The following PTPRR variants were observed in gnomAD, a reference collection of about 807,000 sequenced individuals.
PTPRR encodes the protein receptor-type tyrosine-protein phosphatase R.
A neutral mutation model predicts 77.2 loss-of-function variants in PTPRR; 38 were observed. The ratio of observed to expected loss-of-function variants is 0.49; its 90% CI spans 0.38 to 0.65. PTPRR has a LOEUF of 0.65. Ranked by LOEUF, PTPRR falls within the 30% of genes least tolerant of loss-of-function variation. The pLI is 0.00. For synonymous variants in PTPRR, 299 were observed against 283.1 expected, an observed-to-expected ratio of 1.06 and a Z score of -0.57; for missense variants, 744 against 799.2, an observed-to-expected ratio of 0.93 and a Z score of 0.83.
chr12:70,657,897 A>G (rs1022197574), intron 12 of PTPRR, among the ~76,000 whole-genome samples: 3 of 151,962 alleles, frequency 2.0e-5, no homozygotes, highest in African/African-American at 7.3e-5. Flanking sequence ...TCCTTTTTTC[A>G]TGATTAGCAG....
chr12:70,665,788 GA>G lies in PTPRR; in HGVS notation c.1498-3184del, dbSNP rs964072728. On this transcript the variant is annotated intron_variant, in intron 10 of 13. Coordinates refer to ENST00000283228, the MANE Select transcript of PTPRR (RefSeq NM_002849.4). The stretch of plus-strand genomic sequence containing the variant: ...GGTCTAGCTAGTTGTTTAGTTGCCT[GA>G]AAAAAAAAAACCTATTTTTAAGTTA... Among the ~76,000 whole-genome samples the G allele has an allele frequency of 4.1e-3, 589 of 143,152 alleles. 3 individuals are homozygous for G. The highest frequency in any genetic ancestry group is 0.013 in the African/African-American group (493 of 39,276). 93.9% of individuals were successfully genotyped at this position (143,152 alleles called of 152,430 possible).
intron 2 of PTPRR, among the ~76,000 whole-genome samples, chr12:70,889,985 GC>G (rs1484107784): frequency 6.6e-6 from 1 of 152,120 alleles, no homozygotes; most frequent in East Asian, 1.9e-4. Flanking sequence ...AGCAGCCTAT[GC>G]TGAACTGAAA....
At chr12:70,891,537 A>T (rs1893335582) in intron 2 of PTPRR, among the ~76,000 whole-genome samples, 2 of 152,142 alleles carry the variant, frequency 1.3e-5, no homozygotes, top group South Asian at 4.1e-4. Context: ...TTTTCTCTTA[A>T]CAAGAGTTCA....
Position 70,798,897 on chromosome 12 carries a change from C to T in PTPRR, c.358-34119G>A, listed in dbSNP as rs910964011. On this transcript the variant is annotated intron_variant, in intron 2 of 13. Transcript: ENST00000283228. ...AGTAAGCCACTTTGCCTTGTTTAAC[C>T]CAGTACCTATCCTAGTCCCTGGTAC... is the stretch of plus-strand genomic sequence containing the variant. 2.0e-5 allele frequency among the ~76,000 whole-genome samples: 3 copies of T among 152,150 alleles called. No homozygotes were observed. The South Asian group carries it at 6.2e-4, about 32-fold the overall frequency.
intron 2 of PTPRR, among the ~76,000 whole-genome samples, chr12:70,867,361 T>C (rs890737285): frequency 6.6e-6 from 1 of 151,518 alleles, no homozygotes; most frequent in African/African-American, 2.4e-5. Flanking sequence ...ACAAAATCAA[T>C]GTACAAAAAT....
intron 10 of PTPRR, among the ~76,000 whole-genome samples, chr12:70,678,514 G>A (rs1887534505): frequency 6.6e-6 from 1 of 151,810 alleles, no homozygotes. Flanking sequence ...ATAATTCTTT[G>A]CATTTCTGTG....
intron 10 of PTPRR, among the ~76,000 whole-genome samples, chr12:70,664,111 C>T (rs1374223864): frequency 6.6e-6 from 1 of 152,200 alleles, no homozygotes; most frequent in South Asian, 2.1e-4. Flanking sequence ...TTTACATCCT[C>T]TACATTTTGA....
intron 2 of PTPRR, among the ~76,000 whole-genome samples, chr12:70,798,253 A>G (rs1484842947): frequency 6.6e-6 from 1 of 152,190 alleles, no homozygotes; most frequent in Non-Finnish European, 1.5e-5. Flanking sequence ...GCTTCCAAAT[A>G]TACAATAAAA....
intron 2 of PTPRR, among the ~76,000 whole-genome samples, chr12:70,784,226 G>T (rs1891272027): frequency 6.6e-6 from 1 of 152,212 alleles, no homozygotes; most frequent in Non-Finnish European, 1.5e-5. Context: ...GGGGTACCCA[G>T]GTTGCAGTGG....
intron 2 of PTPRR, among the ~76,000 whole-genome samples, chr12:70,805,508 C>T (rs976500903): frequency 1.3e-5 from 2 of 152,028 alleles, no homozygotes; most frequent in African/African-American, 4.8e-5. Context: ...TGGGCACCCC[C>T]ATGGTGGGTT....
At chr12:70,734,451 T>C (rs530447217) in intron 6 of PTPRR, among the ~76,000 whole-genome samples, 1 of 152,244 alleles carries the variant, frequency 6.6e-6, no homozygotes, top group East Asian at 1.9e-4. Flanking sequence ...GAGTACCCTG[T>C]AAAGCTGGAA....
chr12:70,764,152 T>A (rs924654600), intron 3 of PTPRR, among the ~76,000 whole-genome samples: 4 of 152,132 alleles, frequency 2.6e-5, no homozygotes, highest in African/African-American at 7.2e-5. Flanking sequence ...ATGCCCTGCC[T>A]TGTGCACTCA....
At chr12:70,753,876 C>G (rs1303765794) in intron 5 of PTPRR, among the ~76,000 whole-genome samples, 1 of 152,066 alleles carries the variant, frequency 6.6e-6, no homozygotes, top group Non-Finnish European at 1.5e-5. Context: ...CAAAGTGTGC[C>G]CGTGAGACTT....
At chr12:70,872,706 A>C (rs890587653) in intron 2 of PTPRR, among the ~76,000 whole-genome samples, 1 of 148,858 alleles carries the variant, frequency 6.7e-6, no homozygotes, top group Non-Finnish European at 1.5e-5. Context: ...AAAAAAAAAA[A>C]AAAAAAAAAA....
chr12:70,717,595 T>C (rs1222796794), intron 6 of PTPRR, among the ~76,000 whole-genome samples: 1 of 152,166 alleles, frequency 6.6e-6, no homozygotes, highest in Non-Finnish European at 1.5e-5. Flanking sequence ...AATGAAAAAA[T>C]GCTTAGTACA....
intron 2 of PTPRR, among the ~76,000 whole-genome samples, chr12:70,852,647 G>T (rs1162346625): frequency 6.6e-6 from 1 of 152,154 alleles, no homozygotes; most frequent in Non-Finnish European, 1.5e-5. Flanking sequence ...ATTTAGAAGA[G>T]GCAGTATTAG....
At chr12:70,868,935 C>T (rs921236627) in intron 2 of PTPRR, among the ~76,000 whole-genome samples, 19 of 147,318 alleles carry the variant, frequency 1.3e-4, no homozygotes, top group East Asian at 6.1e-4. Context: ...ATCACAAGGA[C>T]AAAAAACCAA....
At chr12:70,839,512 T>C (rs905626854) in intron 2 of PTPRR, among the ~76,000 whole-genome samples, 2 of 152,202 alleles carry the variant, frequency 1.3e-5, no homozygotes, top group African/African-American at 4.8e-5. Flanking sequence ...TAAAAACTAT[T>C]ATTATATCCA....
At chr12:70,744,641 A>G (rs1364409155) in intron 6 of PTPRR, among the ~76,000 whole-genome samples, 1 of 152,226 alleles carries the variant, frequency 6.6e-6, no homozygotes, top group Non-Finnish European at 1.5e-5. Context: ...TGTGTGTGTA[A>G]ACCATAACTA....
Sources: gnomAD v4.1 joint callset for allele counts (sites outside exome capture counted in the v4.1 genomes callset) on GRCh38, gnomAD v4.1.1 for gene constraint, MANE v1.5 for transcripts, NCBI Gene and HGNC (gene_info 2026-07-23, HGNC 2026-07-21) for gene names.